The following PRKN variants were observed in gnomAD, a reference collection of about 807,000 sequenced individuals.
PRKN encodes E3 ubiquitin-protein ligase parkin.
Under a neutral mutation model 59.5 loss-of-function variants are expected in PRKN, and 56 were observed. The observed-to-expected ratio is 0.94, with a 90% CI of 0.76 to 1.18. The LOEUF (loss-of-function observed/expected upper bound fraction) is 1.18. Among genes scored for constraint, PRKN ranks in the 50% most tolerant of loss-of-function variants. PRKN has a pLI of 0.00. For synonymous variants in PRKN, 250 were observed against 222.1 expected (o/e 1.13, Z -1.12); for missense variants, 657 against 596.4 (o/e 1.10, Z -1.06).
At chr6:162,650,657 A>T (rs1778395013) in intron 1 of PRKN, among the ~76,000 whole-genome samples, 1 of 152,118 alleles carries the variant, frequency 6.6e-6, no homozygotes. Flanking sequence ...AGAGATTTTA[A>T]CAGTCTACAA....
intron 5 of PRKN, among the ~76,000 whole-genome samples, chr6:162,040,987 C>T (rs1438459884): frequency 6.6e-6 from 1 of 151,596 alleles, no homozygotes; most frequent in Non-Finnish European, 1.5e-5. Context: ...GAGTTCAAGA[C>T]CAGCCTGGCC....
intron 1 of PRKN, among the ~76,000 whole-genome samples, chr6:162,681,129 G>C (rs938372215): frequency 6.6e-6 from 1 of 152,140 alleles, no homozygotes. Flanking sequence ...AACAGCACAT[G>C]CACTCTGTTT....
intron 2 of PRKN, among the ~76,000 whole-genome samples, chr6:162,334,283 A>ATCT (rs1783728908): frequency 6.6e-6 from 1 of 152,234 alleles, no homozygotes; most frequent in South Asian, 2.1e-4. Context: ...GCAAGATGCC[A>ATCT]TCTGGGACTT....
chr6:162,201,409 T>C (rs573485106), intron 3 of PRKN, among the ~76,000 whole-genome samples, 157 bp from the exon 4 acceptor site: 1 of 152,318 alleles, frequency 6.6e-6, no homozygotes, highest in African/African-American at 2.4e-5. Context: ...AATACAACAA[T>C]TTAATTTAGA....
At chr6:162,625,807 A>G (rs561202284) in intron 1 of PRKN, among the ~76,000 whole-genome samples, 1 of 152,176 alleles carries the variant, frequency 6.6e-6, no homozygotes, top group Non-Finnish European at 1.5e-5. Flanking sequence ...CACATCTCAT[A>G]GTTCCTTTCT....
At chr6:162,662,549 T>C (rs534274674) in intron 1 of PRKN, among the ~76,000 whole-genome samples, 2 of 152,310 alleles carry the variant, frequency 1.3e-5, no homozygotes, top group South Asian at 2.1e-4. Flanking sequence ...ATTTTAATAG[T>C]TTCAGGTCTT....
At chr6:162,526,842 G>T (rs34665989) in intron 1 of PRKN, among the ~76,000 whole-genome samples, 1 of 151,992 alleles carries the variant, frequency 6.6e-6, no homozygotes, top group South Asian at 2.1e-4. Context: ...CTATCAAAGT[G>T]TACCTTGTTG....
intron 4 of PRKN, among the ~76,000 whole-genome samples, chr6:162,080,083 G>C (rs532340588): frequency 6.6e-6 from 1 of 152,172 alleles, no homozygotes; most frequent in Non-Finnish European, 1.5e-5. Context: ...AAGTTTCTCA[G>C]TTTCAAATGA....
intron 1 of PRKN, among the ~76,000 whole-genome samples, chr6:162,451,760 T>G (rs2128171198): frequency 6.6e-6 from 1 of 152,088 alleles, no homozygotes; most frequent in East Asian, 1.9e-4. Flanking sequence ...TCAAATGATC[T>G]AATATATATG....
At chr6:161,832,194 G>C (rs1012859105) in intron 6 of PRKN, among the ~76,000 whole-genome samples, 1 of 152,200 alleles carries the variant, frequency 6.6e-6, no homozygotes. Context: ...GTATATTAGG[G>C]ATGCCTGATG....
intron 1 of PRKN, among the ~76,000 whole-genome samples, chr6:162,548,231 TG>T (rs1448572458): frequency 2.0e-5 from 3 of 152,022 alleles, no homozygotes; most frequent in African/African-American, 4.8e-5. Flanking sequence ...AGCTAATTTT[TG>T]TATTTTTAGT....
intron 3 of PRKN, among the ~76,000 whole-genome samples, chr6:162,235,875 G>C (rs1174298973): frequency 6.8e-6 from 1 of 147,618 alleles, no homozygotes; most frequent in Non-Finnish European, 1.5e-5. Context: ...AAGACGGAAA[G>C]AAAGAGAGAG....
intron 5 of PRKN, among the ~76,000 whole-genome samples, chr6:161,995,690 G>C (rs539751479): frequency 6.6e-6 from 1 of 152,010 alleles, no homozygotes; most frequent in Non-Finnish European, 1.5e-5. Flanking sequence ...GGAAATGCAA[G>C]TCCAAACAGC....
intron 7 of PRKN, among the ~76,000 whole-genome samples, chr6:161,590,938 C>T (rs1005355519): frequency 3.3e-5 from 5 of 152,106 alleles, no homozygotes; most frequent in Admixed American, 2.6e-4. Context: ...GGATTTTCTT[C>T]TTACTATTAG....
chr6:161,853,913 C>T (rs1793536588), intron 6 of PRKN, among the ~76,000 whole-genome samples: 1 of 151,988 alleles, frequency 6.6e-6, no homozygotes, highest in African/African-American at 2.4e-5. Context: ...CAGTGAGAGA[C>T]TACTATGACA....
intron 7 of PRKN, among the ~76,000 whole-genome samples, chr6:161,697,434 C>T (rs915078761): frequency 6.6e-6 from 1 of 152,168 alleles, no homozygotes; most frequent in African/African-American, 2.4e-5. Context: ...TCAGTAAGAG[C>T]ACTCTTTACT....
At chr6:161,621,938 A>G (rs1354465526) in intron 7 of PRKN, among the ~76,000 whole-genome samples, 1 of 152,142 alleles carries the variant, frequency 6.6e-6, no homozygotes, top group Non-Finnish European at 1.5e-5. Context: ...AATTTCCTCA[A>G]TATCTGATCT....
At chr6:161,892,629 C>T (rs1490309320) in intron 6 of PRKN, among the ~76,000 whole-genome samples, 1 of 152,084 alleles carries the variant, frequency 6.6e-6, no homozygotes. Context: ...GGAGGATCTA[C>T]TCAAGAGGCT....
chr6:162,005,396 T>G (rs1782210510), intron 5 of PRKN, among the ~76,000 whole-genome samples: 1 of 152,196 alleles, frequency 6.6e-6, no homozygotes, highest in African/African-American at 2.4e-5. Context: ...GTAAGACATT[T>G]TATCATATCA....
Sources: allele counts gnomAD v4.1 joint callset (sites outside exome capture counted in the v4.1 genomes callset), GRCh38; gene constraint gnomAD v4.1.1; transcripts MANE v1.5; gene names NCBI Gene and HGNC (gene_info 2026-07-23, HGNC 2026-07-21).